PCBP3: variants seen among roughly 807,000 people sequenced by gnomAD.
The protein encoded by PCBP3 is poly(rC)-binding protein 3.
In PCBP3, 25 loss-of-function variants were observed where a neutral mutation model predicts 52.7. The observed-to-expected ratio is 0.47, with a 90% CI of 0.35 to 0.66. PCBP3 has a LOEUF of 0.66. Among genes scored for constraint, PCBP3 ranks in the 30% least tolerant of loss-of-function variants. The pLI is 0.01. For missense variants in PCBP3, 391 were observed against 490.3 expected, an observed-to-expected ratio of 0.80 and a Z score of 1.91; for synonymous variants, 162 against 183.0, an observed-to-expected ratio of 0.89 and a Z score of 0.93.
At chr21:45,767,477 T>C (rs750265807) in intron 4 of PCBP3, among the ~76,000 whole-genome samples, 1 of 152,230 alleles carries the variant, frequency 6.6e-6, no homozygotes, top group Non-Finnish European at 1.5e-5. Context: ...TCGGCTATTG[T>C]GAATAGTACC....
intron 5 of PCBP3, among the ~76,000 whole-genome samples, chr21:45,873,634 C>A (rs892744895): frequency 5.3e-5 from 8 of 152,178 alleles, no homozygotes; most frequent in Non-Finnish European, 4.4e-5. Flanking sequence ...TGAGGGGGTT[C>A]AGGTTTCATT....
At chr21:45,875,619 A>G (rs1317934060) in intron 5 of PCBP3, among the ~76,000 whole-genome samples, 1 of 152,130 alleles carries the variant, frequency 6.6e-6, no homozygotes, top group Non-Finnish European at 1.5e-5. Flanking sequence ...TGGGACATCT[A>G]CCAGCAATGG....
intron 4 of PCBP3, among the ~76,000 whole-genome samples, chr21:45,772,549 T>C (rs1282601713): frequency 6.6e-6 from 1 of 152,186 alleles, no homozygotes; most frequent in African/African-American, 2.4e-5. Flanking sequence ...TACTTTGATA[T>C]ACTGATTTTA....
chr21:45,856,562 A>T (rs1248707896), intron 5 of PCBP3, among the ~76,000 whole-genome samples: 1 of 151,996 alleles, frequency 6.6e-6, no homozygotes, highest in Non-Finnish European at 1.5e-5. Flanking sequence ...TTCACAGGAG[A>T]CCTAGTTGTG....
intron 5 of PCBP3, among the ~76,000 whole-genome samples, chr21:45,860,380 G>C (rs776964301): frequency 3.3e-5 from 5 of 152,266 alleles, no homozygotes; most frequent in Non-Finnish European, 1.5e-5. Flanking sequence ...TGGCAGGAGT[G>C]ATATGGCTAA....
chr21:45,874,786 G>T (rs1441423350), intron 5 of PCBP3, among the ~76,000 whole-genome samples: 1 of 152,086 alleles, frequency 6.6e-6, no homozygotes, highest in Non-Finnish European at 1.5e-5. Context: ...GATGTGGAGC[G>T]CCCTCACCCT....
intron 2 of PCBP3, among the ~76,000 whole-genome samples, chr21:45,670,964 G>A (rs1569099313): frequency 6.6e-6 from 1 of 152,166 alleles, no homozygotes; most frequent in South Asian, 2.1e-4. Context: ...CTTCCTGTCA[G>A]TCCAGCTGGC....
intron 6 of PCBP3, among the ~76,000 whole-genome samples, chr21:45,898,223 G>C (rs1407632864): frequency 1.3e-5 from 2 of 152,098 alleles, no homozygotes; most frequent in African/African-American, 4.8e-5. Context: ...TGCACTCTGT[G>C]GGGGAGGTGC....
chr21:45,742,611 T>G (rs2086537491), intron 3 of PCBP3, among the ~76,000 whole-genome samples: 1 of 152,224 alleles, frequency 6.6e-6, no homozygotes, highest in South Asian at 2.1e-4. Context: ...ATCCTTTTCT[T>G]GGGATTTAAT....
chr21:45,712,243 T>C (rs1471915278), intron 2 of PCBP3, among the ~76,000 whole-genome samples: 1 of 152,246 alleles, frequency 6.6e-6, no homozygotes, highest in Non-Finnish European at 1.5e-5. Context: ...ATATAAGTTT[T>C]CAATTCATTT....
chr21:45,910,777 C>T lies in PCBP3; in HGVS notation c.472-125C>T, dbSNP rs773323272. 212 of 876,568 alleles carry T rather than the reference C, an allele frequency of 2.4e-4. 1 individual carries two copies. Among genetic ancestry groups the T allele is most frequent in the Admixed American group, 5.0e-4 (19 of 37,820 alleles). The allele number at this position is 876,568 out of a possible 1,614,324, so 54.3% of individuals were successfully genotyped here. The stretch of plus-strand genomic sequence containing the variant: ...TGGGATGGCGGTGGGGGAGGGGGCG[C>T]GTGGGCTGTATGCAGGTTTCCAAGG... On this transcript the variant is annotated intron_variant, in intron 10 of 17. Transcript: ENST00000681687.
At chr21:45,935,509 C>T (rs1416267671) in intron 16 of PCBP3, 1 of 684,344 alleles carries the variant, frequency 1.5e-6, no homozygotes, top group Non-Finnish European at 2.7e-6. Flanking sequence ...TTTTACATCC[C>T]TAAGATGTTG....
intron 17 of PCBP3, 60 bp downstream of exon 17, chr21:45,940,259 A>G (rs1252773154): frequency 7.4e-6 from 11 of 1,487,072 alleles, no homozygotes; most frequent in Non-Finnish European, 1.0e-5. Flanking sequence ...AGCCGGCGTT[A>G]CATCACCTGG....
intron 13 of PCBP3, among the ~76,000 whole-genome samples, chr21:45,926,396 T>G (rs955908878): frequency 6.6e-6 from 1 of 152,258 alleles, no homozygotes; most frequent in Non-Finnish European, 1.5e-5. Context: ...ATTATTTTAG[T>G]GTATTCCTTC....
intron 12 of PCBP3, chr21:45,916,474 G>A (rs1171454595): frequency 3.3e-5 from 5 of 152,364 alleles, no homozygotes; most frequent in African/African-American, 1.2e-4. Context: ...CCGGGTCCCT[G>A]TCTGGAGGTT....
intron 4 of PCBP3, among the ~76,000 whole-genome samples, chr21:45,811,289 G>A (rs73378597): frequency 0.013 from 2,006 of 152,272 alleles, 42 homozygotes; most frequent in African/African-American, 0.045. Flanking sequence ...TGGGCTCTCC[G>A]CAGCAGTGCT....
chr21:45,698,055 T>G (rs2838979), intron 2 of PCBP3, among the ~76,000 whole-genome samples: 23,506 of 152,178 alleles, frequency 0.15, 2,021 homozygotes, highest in African/African-American at 0.22. Context: ...GCTTCACAAT[T>G]TAGTCCCTGG....
At chr21:45,692,979 A>C (rs988035988) in intron 2 of PCBP3, among the ~76,000 whole-genome samples, 1 of 152,198 alleles carries the variant, frequency 6.6e-6, no homozygotes, top group Non-Finnish European at 1.5e-5. Context: ...CTCATTATTC[A>C]ATGTAATCAT....
intron 2 of PCBP3, among the ~76,000 whole-genome samples, chr21:45,681,724 T>C (rs1217930294): frequency 6.6e-6 from 1 of 152,220 alleles, no homozygotes; most frequent in African/African-American, 2.4e-5. Flanking sequence ...CTTTTGGTAA[T>C]GTCTTTTTTG....
Sources: allele counts gnomAD v4.1 joint callset (sites outside exome capture counted in the v4.1 genomes callset), GRCh38; gene constraint gnomAD v4.1.1; transcripts MANE v1.5; gene names NCBI Gene and HGNC (gene_info 2026-07-23, HGNC 2026-07-21).